Variants in OSBPL8 observed in about 807,000 individuals in gnomAD.
The protein encoded by OSBPL8 is oxysterol binding protein like 8.
Under a neutral mutation model 125.5 loss-of-function variants are expected in OSBPL8, and 59 were observed. The ratio of observed to expected loss-of-function variants is 0.47; its 90% CI spans 0.38 to 0.58. The LOEUF (loss-of-function observed/expected upper bound fraction) is 0.58, where lower values mean the gene tolerates loss of function less well. Ranked by LOEUF, OSBPL8 falls within the 20% of genes least tolerant of loss-of-function variation. The pLI, the probability that OSBPL8 is intolerant of heterozygous loss-of-function variation, is 0.00. For synonymous variants in OSBPL8, 330 were observed against 338.9 expected (o/e 0.97, Z 0.29); for missense variants, 758 against 1,047.8 (o/e 0.72, Z 3.82).
chr12:76,523,508 G>T (rs1302406994), intron 1 of OSBPL8, among the ~76,000 whole-genome samples: 1 of 152,198 alleles, frequency 6.6e-6, no homozygotes, highest in Non-Finnish European at 1.5e-5. Flanking sequence ...AGATTCACAT[G>T]CTGAAATCCT....
intron 1 of OSBPL8, among the ~76,000 whole-genome samples, chr12:76,536,801 C>A (rs1950511504): frequency 7.6e-6 from 1 of 131,332 alleles, no homozygotes; most frequent in African/African-American, 2.9e-5. Context: ...GCAGCAAATC[C>A]ATATATAGGA....
chr12:76,554,743 T>G (rs1050881760), intron 1 of OSBPL8, among the ~76,000 whole-genome samples: 5 of 152,218 alleles, frequency 3.3e-5, no homozygotes, highest in African/African-American at 1.2e-4. Context: ...GCTTCTCCTT[T>G]TTATTTGAAA....
intron 7 of OSBPL8, among the ~76,000 whole-genome samples, chr12:76,399,154 G>C (rs1953944606): frequency 6.6e-6 from 1 of 152,208 alleles, no homozygotes; most frequent in Non-Finnish European, 1.5e-5. Context: ...TCTCATTTTA[G>C]TGAGGGGAGT....
chr12:76,467,092 A>AAGTCTTCTTTAAATGTATGTATC (rs1875538860), intron 2 of OSBPL8, among the ~76,000 whole-genome samples: 1 of 152,048 alleles, frequency 6.6e-6, no homozygotes, highest in African/African-American at 2.4e-5. Flanking sequence ...TATGTATTTA[A>AAGTCTTCTTTAAATGTATGTATC]AGTCTTCTTT....
chr12:76,544,560 A>C (rs1259158868), intron 1 of OSBPL8, among the ~76,000 whole-genome samples: 1 of 152,204 alleles, frequency 6.6e-6, no homozygotes, highest in Non-Finnish European at 1.5e-5. Context: ...TCATATTTCT[A>C]CTTTGGCACA....
At chr12:76,556,412 A>G (rs1025723668) in intron 1 of OSBPL8, among the ~76,000 whole-genome samples, 2 of 152,106 alleles carry the variant, frequency 1.3e-5, no homozygotes, top group Non-Finnish European at 2.9e-5. Context: ...CGCCTTCCAC[A>G]TGAGAATTTT....
chr12:76,379,376 G>C (rs1952947770), intron 15 of OSBPL8, among the ~76,000 whole-genome samples: 1 of 151,968 alleles, frequency 6.6e-6, no homozygotes, highest in Non-Finnish European at 1.5e-5. Context: ...TCTATTCTCA[G>C]CTTTACTGAA....
intron 15 of OSBPL8, among the ~76,000 whole-genome samples, chr12:76,379,255 T>C (rs1565842140): frequency 6.6e-6 from 1 of 152,190 alleles, no homozygotes; most frequent in Non-Finnish European, 1.5e-5. Flanking sequence ...TAATTAATCC[T>C]ATAGACAATT....
At chr12:76,419,095 G>C (rs1869123687) in intron 4 of OSBPL8, among the ~76,000 whole-genome samples, 1 of 152,000 alleles carries the variant, frequency 6.6e-6, no homozygotes, top group Admixed American at 6.6e-5. Context: ...AATTAGCTGG[G>C]CGTGGTGATA....
chr12:76,555,158 C>G (rs187303307), intron 1 of OSBPL8, among the ~76,000 whole-genome samples: 2 of 152,234 alleles, frequency 1.3e-5, no homozygotes, highest in Non-Finnish European at 2.9e-5. Flanking sequence ...TAAATTTTTT[C>G]TTAACAACCA....
chr12:76,514,958 A>G (rs1881387295), intron 1 of OSBPL8, among the ~76,000 whole-genome samples: 1 of 152,188 alleles, frequency 6.6e-6, no homozygotes, highest in Admixed American at 6.5e-5. Flanking sequence ...TTGTGATTGC[A>G]CTGTGAAATT....
At chr12:76,513,976 T>C (rs1881277157) in intron 1 of OSBPL8, among the ~76,000 whole-genome samples, 1 of 152,062 alleles carries the variant, frequency 6.6e-6, no homozygotes, top group African/African-American at 2.4e-5. Context: ...GGCTGGTTAT[T>C]ATGTTGGCTT....
intron 1 of OSBPL8, among the ~76,000 whole-genome samples, chr12:76,491,803 G>A (rs545824326): frequency 6.6e-6 from 1 of 152,302 alleles, no homozygotes; most frequent in South Asian, 2.1e-4. Flanking sequence ...TCTATGGGAT[G>A]CACACTGATA....
chr12:76,484,831 T>A (rs1402268882), intron 2 of OSBPL8, among the ~76,000 whole-genome samples: 2 of 152,182 alleles, frequency 1.3e-5, no homozygotes, highest in Non-Finnish European at 2.9e-5. Context: ...TACACTGAAA[T>A]TATTGGTATT....
intron 5 of OSBPL8, among the ~76,000 whole-genome samples, chr12:76,404,568 C>G (rs1215577986): frequency 1.3e-5 from 2 of 152,084 alleles, no homozygotes; most frequent in Non-Finnish European, 2.9e-5. Flanking sequence ...CCACCTGAGA[C>G]AGCAAGACTA....
At chr12:76,428,767 T>C (rs1037338070) in intron 4 of OSBPL8, among the ~76,000 whole-genome samples, 7 of 152,096 alleles carry the variant, frequency 4.6e-5, no homozygotes, top group South Asian at 2.1e-4. Context: ...AGTTTCCTTA[T>C]AGAACATGTG....
At chr12:76,541,350 C>T (rs958867493) in intron 1 of OSBPL8, among the ~76,000 whole-genome samples, 5 of 151,830 alleles carry the variant, frequency 3.3e-5, no homozygotes, top group African/African-American at 9.7e-5. Context: ...TGGTGGTGCA[C>T]GTCTGTAATC....
intron 2 of OSBPL8, among the ~76,000 whole-genome samples, chr12:76,472,343 A>G (rs973688848): frequency 1.3e-5 from 2 of 152,166 alleles, no homozygotes; most frequent in African/African-American, 4.8e-5. Flanking sequence ...TTCCTTCCAC[A>G]TATTTTCTAT....
rs867692160 is a variant in OSBPL8, at chr12:76,429,738, A to C, written c.218-19104T>G. Among the ~76,000 whole-genome samples, 5 of 152,122 alleles carry C rather than the reference A, an allele frequency of 3.3e-5. No individual in the cohort carries two copies. The South Asian group carries it at 6.2e-4, about 19-fold the overall frequency. ...TAATCTGGATGAGAGGCACATATTC[A>C]AGGTCACACAGCAAATGAGCGACAG... On this transcript the variant is annotated intron_variant, in intron 4 of 23. Coordinates refer to ENST00000261183, the MANE Select transcript of OSBPL8 (RefSeq NM_020841.5).
Sources: gnomAD v4.1 joint callset for allele counts (sites outside exome capture counted in the v4.1 genomes callset) on GRCh38, gnomAD v4.1.1 for gene constraint, MANE v1.5 for transcripts, NCBI Gene and HGNC (gene_info 2026-07-23, HGNC 2026-07-21) for gene names.